The following NFE2L3 variants were observed in gnomAD, a reference collection of about 807,000 sequenced individuals.
NFE2L3 encodes NFE2 like bZIP transcription factor 3.
In NFE2L3, 18 loss-of-function variants were observed where a neutral mutation model predicts 23.5. The ratio of observed to expected loss-of-function variants is 0.77; its 90% confidence interval spans 0.53 to 1.13. NFE2L3 has a LOEUF of 1.13. Ranked by LOEUF, NFE2L3 falls within the 50% of genes most tolerant of loss-of-function variation. The pLI, the probability that NFE2L3 is intolerant of heterozygous loss-of-function variation, is 0.00. For synonymous variants in NFE2L3, 424 were observed against 354.5 expected (o/e 1.20, Z -2.20); for missense variants, 1,152 against 877.2 (o/e 1.31, Z -3.96).
chr7:26,160,075 TCCC>T (rs1784144887), intron 1 of NFE2L3, among the ~76,000 whole-genome samples: 1 of 150,794 alleles, frequency 6.6e-6, no homozygotes, highest in African/African-American at 2.4e-5. Flanking sequence ...TGCCTTAGTC[TCCC>T]AAGTGGCTGG....
chr7:26,185,057 T>G lies in NFE2L3; in HGVS notation c.1359T>G (p.His453Gln). 1.2e-6 allele frequency: 2 copies of G among 1,613,786 alleles called. No individual in the cohort carries two copies. ...DEGAIGYCTD[H>Q]ESSSHHDLEG... ...GTGCTATAGGTTATTGCACTGACCA[T>G]GAATCTAGTTCCCATCATGACTTAG... Residue 453 changes from histidine (H) to glutamine (Q), a missense_variant, in exon 4 of 4, where the codon CAT becomes CAG. Physicochemically the swap from His to Gln is conservative, Grantham distance 24 (BLOSUM62 0). Coordinates refer to ENST00000056233, the MANE Select transcript of NFE2L3 (RefSeq NM_004289.7).
chr7:26,171,078 A>C (rs1256505640), intron 1 of NFE2L3, among the ~76,000 whole-genome samples: 1 of 152,226 alleles, frequency 6.6e-6, no homozygotes, highest in Non-Finnish European at 1.5e-5. Context: ...TAATTGGCAC[A>C]AACTTTTTTG....
rs776544259 is a variant in NFE2L3 at position 26,184,945 on chromosome 7, A to G, written c.1247A>G (p.Asp416Gly). The G allele has an allele frequency of 6.8e-6, 11 of 1,613,822 alleles. No individual in the cohort carries two copies. Among genetic ancestry groups the G allele is most frequent in the East Asian group, 2.2e-5 (1 of 44,894 alleles). Residue 416 changes from aspartate (D) to glycine (G), a missense_variant, in exon 4 of 4, where the codon GAT (aspartate) becomes GGT (glycine). By Grantham distance (94) the Asp-to-Gly change is moderately conservative. Transcript: ENST00000056233. ...IDVSQLFDEP[D>G]SDSGLSLDSS... ...GTTTCTCAGCTTTTTGATGAACCAG[A>G]TTCTGATTCTGGCCTTTCTTTAGAT...
intron 2 of NFE2L3, 125 bp downstream of exon 2, chr7:26,178,247 TGAAA>T: frequency 1.4e-6 from 1 of 720,818 alleles, no homozygotes; most frequent in Non-Finnish European, 2.3e-6. Context: ...ATATGATATA[TGAAA>T]ATACCTATGT....
Position 26,185,690 on chromosome 7 carries a change from C to T in NFE2L3, c.1992C>T (p.Leu664=), listed in dbSNP as rs764212820. ...GRPVNPNHYA[L]QCTHDGSILI... ...CAGTCAATCCCAACCACTATGCTCT[C>T]CAGTGTACCCATGATGGAAGTATCT... Residue 664 remains leucine (L), a synonymous_variant, in exon 4 of 4, where the codon CTC becomes CTT. Transcript: ENST00000056233. 8 of 1,613,718 alleles carry T rather than the reference C, an allele frequency of 5.0e-6. No individual in the cohort carries two copies. Among genetic ancestry groups the T allele is most frequent in the Non-Finnish European group, 6.8e-6 (8 of 1,179,774 alleles).
At chr7:26,183,677 T>C in intron 2 of NFE2L3, 24 bp from the exon 3 acceptor site, 1 of 1,461,896 alleles carries the variant, frequency 6.8e-7, no homozygotes, top group Non-Finnish European at 9.6e-7. Context: ...ATGTGAAAGA[T>C]GCACTTTTTG....
chr7:26,154,992 G>T (rs1420523664), intron 1 of NFE2L3, among the ~76,000 whole-genome samples: 4 of 152,200 alleles, frequency 2.6e-5, no homozygotes, highest in Non-Finnish European at 5.9e-5. Context: ...TGGCATGTGT[G>T]CACCATGTTC....
rs1297607511 is a variant in NFE2L3, at chr7:26,186,489, C to G, written c.*706C>G. Reference sequence around the variant, plus strand: ...CACCCCCCTACCCCAATACTTAACACACAGAATACTATGTGATATAGAATG... The same window carrying G: ...CACCCCCCTACCCCAATACTTAACAGACAGAATACTATGTGATATAGAATG... On this transcript the variant is annotated 3_prime_UTR_variant, in exon 4 of 4. Coordinates refer to ENST00000056233, the MANE Select transcript of NFE2L3 (RefSeq NM_004289.7). 6.6e-6 allele frequency: 1 copy of G among 151,090 alleles called. No homozygotes were observed. The highest frequency in any genetic ancestry group is 1.5e-5 in the Non-Finnish European group (1 of 68,014). 9.4% of individuals were successfully genotyped at this position (151,090 alleles called of 1,614,324 possible).
intron 2 of NFE2L3, among the ~76,000 whole-genome samples, chr7:26,180,254 G>A (rs962756525): frequency 2.6e-5 from 4 of 152,142 alleles, no homozygotes; most frequent in African/African-American, 9.7e-5. Context: ...AGATGAAGGG[G>A]AGGGGGTAGA....
At chr7:26,175,990 A>C (rs930964625) in intron 1 of NFE2L3, among the ~76,000 whole-genome samples, 2 of 151,308 alleles carry the variant, frequency 1.3e-5, no homozygotes, top group African/African-American at 4.8e-5. Context: ...TGGTTTTCCT[A>C]GGCAGAGGTC....
At chr7:26,165,175 A>T (rs1229381645) in intron 1 of NFE2L3, among the ~76,000 whole-genome samples, 1 of 152,158 alleles carries the variant, frequency 6.6e-6, no homozygotes, top group African/African-American at 2.4e-5. Context: ...GTTTTTTCCA[A>T]TTCTGTGAAG....
At chr7:26,167,660 G>A (rs771020660) in intron 1 of NFE2L3, among the ~76,000 whole-genome samples, 9 of 152,060 alleles carry the variant, frequency 5.9e-5, no homozygotes, top group Non-Finnish European at 1.0e-4. Context: ...TCAAGACTAC[G>A]CAACAGAACT....
chr7:26,164,388 T>C (rs1413317985), intron 1 of NFE2L3, among the ~76,000 whole-genome samples: 1 of 152,260 alleles, frequency 6.6e-6, no homozygotes, highest in South Asian at 2.1e-4. Context: ...GGTTTTGATC[T>C]GTATTTCTCT....
At chr7:26,175,976 T>C (rs1583934679) in intron 1 of NFE2L3, among the ~76,000 whole-genome samples, 2 of 150,706 alleles carry the variant, frequency 1.3e-5, no homozygotes, top group South Asian at 4.2e-4. Flanking sequence ...TGAACAAAGG[T>C]CTCTGGTTTT....
intron 2 of NFE2L3, among the ~76,000 whole-genome samples, chr7:26,180,497 TATATTAAA>T (rs1784488288): frequency 6.6e-6 from 1 of 152,236 alleles, no homozygotes; most frequent in Non-Finnish European, 1.5e-5. Context: ...CATGGACTTT[TATATTAAA>T]ATACTGACAG....
chr7:26,178,244 A>C (rs748919562), intron 2 of NFE2L3, 122 bp downstream of exon 2: 1 of 735,752 alleles, frequency 1.4e-6, no homozygotes, highest in Non-Finnish European at 2.2e-6. Context: ...CAAATATGAT[A>C]TATGAAAATA....
chr7:26,182,021 AAT>A (rs1384277247), intron 2 of NFE2L3, among the ~76,000 whole-genome samples: 1 of 151,964 alleles, frequency 6.6e-6, no homozygotes, highest in Non-Finnish European at 1.5e-5. Context: ...GAAACTATAA[AAT>A]ATGAAAGATA....
chr7:26,179,202 T>G (rs1784464531), intron 2 of NFE2L3, among the ~76,000 whole-genome samples: 1 of 151,986 alleles, frequency 6.6e-6, no homozygotes, highest in Non-Finnish European at 1.5e-5. Flanking sequence ...CAGCAATTGA[T>G]AAGAATAACC....
chr7:26,176,255 CT>C, intron 1 of NFE2L3, among the ~76,000 whole-genome samples: 1 of 152,202 alleles, frequency 6.6e-6, no homozygotes. Flanking sequence ...CCTGTGTCTA[CT>C]TCTTTCTACA....
Sources: allele counts gnomAD v4.1 joint callset (sites outside exome capture counted in the v4.1 genomes callset), GRCh38; gene constraint gnomAD v4.1.1; transcripts MANE v1.5; gene names NCBI Gene and HGNC (gene_info 2026-07-23, HGNC 2026-07-21).